The following LSM12 variants were observed in gnomAD, a reference collection of about 807,000 sequenced individuals.
LSM12 encodes the protein LSM12 homolog, also known as protein LSM12.
For missense variants in LSM12, 108 were observed against 238.9 expected, an observed-to-expected ratio of 0.45 and a Z score of 3.61; for synonymous variants, 74 against 87.3, an observed-to-expected ratio of 0.85 and a Z score of 0.85.
intron 3 of LSM12, among the ~76,000 whole-genome samples, chr17:44,038,370 AAAAG>A (rs1415193690): frequency 6.6e-6 from 1 of 151,506 alleles, no homozygotes; most frequent in Non-Finnish European, 1.5e-5. Context: ...AAAAAAAAAA[AAAAG>A]AAAGGCCAGG....
intron 2 of LSM12, among the ~76,000 whole-genome samples, chr17:44,052,627 C>T (rs2049660884): frequency 6.6e-6 from 1 of 151,846 alleles, no homozygotes; most frequent in African/African-American, 2.4e-5. Context: ...GGCATGGTGG[C>T]GGGTACCTGT....
upstream of LSM12, chr17:44,066,754 G>A (rs1289460170): frequency 2.3e-6 from 2 of 866,908 alleles, no homozygotes; most frequent in Non-Finnish European, 3.0e-6. Context: ...TGGGAAAGAA[G>A]AGGAAATAAA....
At chr17:44,065,495 C>G (rs950505651) in intron 1 of LSM12, among the ~76,000 whole-genome samples, 12 of 150,466 alleles carry the variant, frequency 8.0e-5, no homozygotes, top group African/African-American at 2.9e-4. Context: ...AAAAAAAATT[C>G]CAATAAACCC....
At chr17:44,037,877 AG>A (rs2049435462) in intron 3 of LSM12, among the ~76,000 whole-genome samples, 1 of 152,236 alleles carries the variant, frequency 6.6e-6, no homozygotes, top group African/African-American at 2.4e-5. Flanking sequence ...TTTTCTCTTA[AG>A]GGTCTTGTAA....
chr17:44,056,293 C>A (rs1180235615), intron 2 of LSM12, among the ~76,000 whole-genome samples: 1 of 138,494 alleles, frequency 7.2e-6, no homozygotes, highest in Non-Finnish European at 1.5e-5. Flanking sequence ...AAAACTCTGT[C>A]TCAAAAAAAA....
chr17:44,067,108 T>C (rs2049890502), upstream of LSM12, among the ~76,000 whole-genome samples: 1 of 152,196 alleles, frequency 6.6e-6, no homozygotes, highest in Non-Finnish European at 1.5e-5. Flanking sequence ...GAGACCAGCC[T>C]GGCCAACATG....
At chr17:44,038,111 G>A (rs1026957693) in intron 3 of LSM12, among the ~76,000 whole-genome samples, 9 of 152,086 alleles carry the variant, frequency 5.9e-5, no homozygotes, top group African/African-American at 2.2e-4. Flanking sequence ...CGCTTTGGGA[G>A]GCCGAGGTGG....
In LSM12 at chr17:44,061,630, A is replaced by G. The variant is rs530193786; in HGVS notation, c.258+2171T>C. Among the ~76,000 whole-genome samples the G allele has an allele frequency of 2.0e-5, 3 of 152,306 alleles. No individual in the cohort carries two copies. In the East Asian group the frequency reaches 5.8e-4, roughly 29 times the overall value. ...CTAGCCTCAGCATCAGTTACCCTCT[A>G]TTATTTTAGTTGCCTAAGTGTTTCC... On this transcript the variant is annotated intron_variant, in intron 2 of 4. Coordinates refer to ENST00000293406, the MANE Select transcript of LSM12 (RefSeq NM_001371445.1).
intron 4 of LSM12, among the ~76,000 whole-genome samples, chr17:44,036,589 C>G (rs2049418145): frequency 6.6e-6 from 1 of 152,118 alleles, no homozygotes; most frequent in African/African-American, 2.4e-5. Context: ...AACTCCTCCT[C>G]TCTTCTATAC....
At position 44,035,694 on chromosome 17, in the gene LSM12, A is replaced by AAT; in HGVS notation, c.*513_*514insAT. On this transcript the variant is annotated 3_prime_UTR_variant, in exon 5 of 5. Transcript: ENST00000293406. ...GCCCTGTGCAAAAAAAAAAAAAAAA[A>AAT]GAAAAAAGAAAAAAAAAGGAAAAGA... 1 of 139,300 alleles carries AAT rather than the reference A, an allele frequency of 7.2e-6. No homozygotes were observed. Among genetic ancestry groups the AAT allele is most frequent in the African/African-American group, 2.6e-5 (1 of 38,474 alleles). 8.6% of individuals were successfully genotyped at this position (139,300 alleles called of 1,614,324 possible).
At chr17:44,043,605 G>A (rs2049524206) in intron 2 of LSM12, among the ~76,000 whole-genome samples, 1 of 150,334 alleles carries the variant, frequency 6.7e-6, no homozygotes, top group Admixed American at 6.6e-5. Context: ...TGGTGCAGTG[G>A]TGCAATCTCA....
At chr17:44,045,542 G>T (rs1017059534) in intron 2 of LSM12, among the ~76,000 whole-genome samples, 6 of 152,142 alleles carry the variant, frequency 3.9e-5, no homozygotes, top group African/African-American at 1.4e-4. Flanking sequence ...TTGATGGACA[G>T]TTGATCAAAA....
intron 4 of LSM12, 64 bp from the exon 5 acceptor site, chr17:44,036,364 C>G (rs2049415731): frequency 6.2e-7 from 1 of 1,604,518 alleles, no homozygotes; most frequent in Non-Finnish European, 8.5e-7. Context: ...CCCAAACAAT[C>G]CAACCCAGGT....
rs765331811 is a variant in LSM12 at position 44,036,186 on chromosome 17, A to G, written c.*22T>C. 3.1e-6 allele frequency: 5 copies of G among 1,604,854 alleles called. No individual in the cohort carries two copies. Among genetic ancestry groups the G allele is most frequent in the Non-Finnish European group, 4.3e-6 (5 of 1,175,078 alleles). ...AGCGCCTCCTTGGCTGGATGCTGGA[A>G]GAGTCCTCCATGTGTACGGACTCAG... On this transcript the variant is annotated 3_prime_UTR_variant, in exon 5 of 5. Transcript: ENST00000293406.
At chr17:44,036,331 A>G (rs752757337) in intron 4 of LSM12, 31 bp from the exon 5 acceptor site, 79 of 1,613,410 alleles carry the variant, frequency 4.9e-5, no homozygotes, top group Middle Eastern at 1.6e-4. Flanking sequence ...CAGGTCAACA[A>G]AGGAGATGCG....
chr17:44,038,378 G>C (rs949639943), intron 3 of LSM12, among the ~76,000 whole-genome samples: 9 of 149,472 alleles, frequency 6.0e-5, no homozygotes, highest in African/African-American at 2.0e-4. Flanking sequence ...AAAAAAGAAA[G>C]GCCAGGCACA....
At chr17:44,041,282 A>ACACACACACACACACACACACAC (rs779374869) in intron 2 of LSM12, among the ~76,000 whole-genome samples, 1 of 130,330 alleles carries the variant, frequency 7.7e-6, no homozygotes, top group Non-Finnish European at 1.6e-5. Flanking sequence ...TTAAAAAAAA[A>ACACACACACACACACACACACAC]AAAAACAAAC....
In LSM12 at chr17:44,048,231, C is replaced by T. The variant is rs28730303; in HGVS notation, c.259-7975G>A. Among the ~76,000 whole-genome samples the T allele has an allele frequency of 2.9e-3, 438 of 151,876 alleles. 1 individual carries two copies. The highest frequency in any genetic ancestry group is 8.9e-3 in the African/African-American group (367 of 41,412). ...GAGCAGTGGCTCATGCTTGTAATCC[C>T]AGCACTTTGGGAGGCCAAGGCAGGC... On this transcript the variant is annotated intron_variant, in intron 2 of 4. Coordinates refer to ENST00000293406, the MANE Select transcript of LSM12 (RefSeq NM_001371445.1).
chr17:44,041,334 A>ACACAC (rs2049491143), intron 2 of LSM12, among the ~76,000 whole-genome samples: 2 of 104,546 alleles, frequency 1.9e-5, no homozygotes, highest in Admixed American at 9.7e-5. Context: ...CACACACACA[A>ACACAC]ACACACACAC....
Sources: gnomAD v4.1 joint callset for allele counts (sites outside exome capture counted in the v4.1 genomes callset) on GRCh38, gnomAD v4.1.1 for gene constraint, MANE v1.5 for transcripts, NCBI Gene and HGNC (gene_info 2026-07-23, HGNC 2026-07-21) for gene names.